The following SUSD1 variants were observed in gnomAD, a reference collection of about 807,000 sequenced individuals.
SUSD1 encodes the protein sushi domain containing 1, also known as sushi domain-containing protein 1.
A neutral mutation model predicts 86.9 loss-of-function variants in SUSD1; 65 were observed. The ratio of observed to expected loss-of-function variants is 0.75; its 90% CI spans 0.61 to 0.92. The LOEUF is 0.92. Ranked by LOEUF, SUSD1 falls within the 40% of genes least tolerant of loss-of-function variation. SUSD1 has a pLI of 0.00. For missense variants in SUSD1, 850 were observed against 929.7 expected, an observed-to-expected ratio of 0.91 and a Z score of 1.11; for synonymous variants, 346 against 350.0, an observed-to-expected ratio of 0.99 and a Z score of 0.13.
chr9:112,070,226 G>C (rs571288546), intron 12 of SUSD1, among the ~76,000 whole-genome samples: 1 of 151,996 alleles, frequency 6.6e-6, no homozygotes, highest in Non-Finnish European at 1.5e-5. Flanking sequence ...GGCTGGTCCC[G>C]AACTCCTGAC....
intron 5 of SUSD1, among the ~76,000 whole-genome samples, chr9:112,135,797 T>C (rs770368062): frequency 3.9e-5 from 6 of 152,234 alleles, no homozygotes; most frequent in Non-Finnish European, 8.8e-5. Context: ...CCACACCTTT[T>C]CTGCACTAGG....
At chr9:112,135,331 T>C (rs1401048752) in intron 5 of SUSD1, among the ~76,000 whole-genome samples, 5 of 152,172 alleles carry the variant, frequency 3.3e-5, no homozygotes, top group Admixed American at 2.0e-4. Context: ...GAAAGCTCAC[T>C]TGGAGGAAAA....
chr9:112,165,933 A>AGAAGAAC (rs1268225547), intron 1 of SUSD1, among the ~76,000 whole-genome samples: 2 of 130,368 alleles, frequency 1.5e-5, no homozygotes, highest in African/African-American at 6.2e-5. Flanking sequence ...AAAGAAAGAA[A>AGAAGAAC]GAAAGAAAGA....
At chr9:112,128,237 C>A (rs1831863673) in intron 5 of SUSD1, among the ~76,000 whole-genome samples, 1 of 151,764 alleles carries the variant, frequency 6.6e-6, no homozygotes, top group South Asian at 2.1e-4. Flanking sequence ...GGACTACAGG[C>A]ATGCACCACC....
intron 12 of SUSD1, among the ~76,000 whole-genome samples, chr9:112,072,633 G>A (rs993603575): frequency 2.0e-5 from 3 of 152,206 alleles, no homozygotes; most frequent in Non-Finnish European, 4.4e-5. Flanking sequence ...GGTAGCAAGA[G>A]GGTCTGGGAG....
chr9:112,154,788 T>C (rs534685348), intron 2 of SUSD1, among the ~76,000 whole-genome samples: 61 of 152,324 alleles, frequency 4.0e-4, no homozygotes, highest in African/African-American at 1.3e-3. Flanking sequence ...CTAGGCTTAA[T>C]ACCATGTTAT....
At chr9:112,136,630 T>C (rs1317214917) in intron 5 of SUSD1, among the ~76,000 whole-genome samples, 1 of 152,196 alleles carries the variant, frequency 6.6e-6, no homozygotes, top group Non-Finnish European at 1.5e-5. Flanking sequence ...CCCTCACCCA[T>C]GGTGGCATCA....
chr9:112,133,923 T>A (rs763446823), intron 5 of SUSD1, among the ~76,000 whole-genome samples: 55 of 152,110 alleles, frequency 3.6e-4, no homozygotes, highest in Middle Eastern at 3.2e-3. Flanking sequence ...AACAGACATG[T>A]CTCAAAAGAA....
chr9:112,088,566 C>A (rs1165037448), intron 10 of SUSD1, among the ~76,000 whole-genome samples: 1 of 152,116 alleles, frequency 6.6e-6, no homozygotes, highest in Non-Finnish European at 1.5e-5. Flanking sequence ...GTAGGAGGAT[C>A]ACTTAAGGCC....
At chr9:112,156,394 G>A (rs367557763) in intron 2 of SUSD1, among the ~76,000 whole-genome samples, 3 of 151,466 alleles carry the variant, frequency 2.0e-5, no homozygotes, top group Non-Finnish European at 2.9e-5. Context: ...CCTCGGAGGC[G>A]GAGGCTGCAG....
At chr9:112,084,930 C>G (rs139995952) in intron 10 of SUSD1, among the ~76,000 whole-genome samples, 1 of 152,118 alleles carries the variant, frequency 6.6e-6, no homozygotes, top group East Asian at 1.9e-4. Flanking sequence ...TATGGGCAAG[C>G]GACTCTTGGC....
chr9:112,122,319 C>T (rs1382393662), intron 6 of SUSD1, among the ~76,000 whole-genome samples: 1 of 152,146 alleles, frequency 6.6e-6, no homozygotes, highest in Non-Finnish European at 1.5e-5. Context: ...CACCGCCACA[C>T]CTGGCAAATT....
At chr9:112,093,134 G>A (rs969806188) in intron 10 of SUSD1, among the ~76,000 whole-genome samples, 21 of 152,152 alleles carry the variant, frequency 1.4e-4, no homozygotes, top group African/African-American at 4.8e-4. Context: ...TGTATTAAAG[G>A]TTGCTATTTA....
rs977103409 is a variant in SUSD1 at position 112,175,255 on chromosome 9, G to T, written c.-20C>A. ...GCCCATGCCGCCGCCGGTCCCTCCC[G>T]GCGCGCCCGCGCCTCCTCCCGGGGC... On this transcript the variant is annotated 5_prime_UTR_variant, in exon 1 of 17. Transcript: ENST00000374270. The surrounding 1 kb of genome is among the most constrained non-coding windows in gnomAD (Gnocchi z 4.7). 8.8e-7 allele frequency: 1 copy of T among 1,134,060 alleles called. No individual in the cohort carries two copies. Among genetic ancestry groups the T allele is most frequent in the East Asian group, 4.4e-5 (1 of 22,728 alleles). 70.2% of individuals were successfully genotyped at this position (1,134,060 alleles called of 1,614,324 possible).
intron 15 of SUSD1, among the ~76,000 whole-genome samples, chr9:112,045,190 C>T (rs966356336): frequency 2.6e-5 from 4 of 152,056 alleles, no homozygotes; most frequent in African/African-American, 7.2e-5. Flanking sequence ...TGGAGATGAA[C>T]GGGGGAGCTG....
At position 112,052,406 on chromosome 9, in the gene SUSD1, C is replaced by G. The variant is rs770918386; in HGVS notation, c.2142G>C (p.Gln714His). Residue 714 changes from glutamine (Q) to histidine (H), a missense_variant, in exon 15 of 17, where the codon CAG becomes CAC. By Grantham distance (24) the Gln-to-His change is conservative. Transcript: ENST00000374270. ...VRRHSCAVWA[Q>H]VKDSSLMLLQ... is the part of the protein sequence containing the mutation. ...GGCAGAAAATAATTTTACCTTTCAC[C>G]TGAGCCCAAACTGCACAGGAGTGTC... The G allele has an allele frequency of 1.9e-6, 3 of 1,614,030 alleles. No individual in the cohort carries two copies. The highest frequency in any genetic ancestry group is 2.5e-6 in the Non-Finnish European group (3 of 1,179,988).
chr9:112,057,568 C>A (rs559136018), intron 14 of SUSD1, among the ~76,000 whole-genome samples: 1 of 152,198 alleles, frequency 6.6e-6, no homozygotes, highest in African/African-American at 2.4e-5. Context: ...TGTCACAAAG[C>A]GCTGCTAGAC....
At chr9:112,065,515 ACT>A (rs1217748420) in intron 12 of SUSD1, among the ~76,000 whole-genome samples, 8 of 152,158 alleles carry the variant, frequency 5.3e-5, no homozygotes, top group South Asian at 2.1e-4. Flanking sequence ...AAAAAGTGAG[ACT>A]CTGTCTCAAA....
In SUSD1 at chr9:112,175,209, G is replaced by T; in HGVS notation, c.27C>A (p.Gly9=). The stretch of plus-strand genomic sequence containing the variant: ...ACAGCGGCAGCAGGCGGCGAGACGG[G>T]CCCGCATCCCAGGGCCCCCGGCCCA... MGRGPWDA[G]PSRRLLPLLL... The change falls in exon 1 of 17, where the codon GGC becomes GGA. Residue 9 remains glycine, a synonymous_variant. Coordinates refer to ENST00000374270, the MANE Select transcript of SUSD1 (RefSeq NM_022486.5). The surrounding 1 kb of genome is among the most constrained non-coding windows in gnomAD (Gnocchi z 4.7). 2 of 1,161,978 alleles carry T rather than the reference G, an allele frequency of 1.7e-6. No homozygotes were observed. The highest frequency in any genetic ancestry group is 2.1e-6 in the Non-Finnish European group (2 of 945,512). The allele number at this position is 1,161,978 out of a possible 1,614,324, so 72.0% of individuals were successfully genotyped here.
Sources: gnomAD v4.1 joint callset for allele counts (sites outside exome capture counted in the v4.1 genomes callset) on GRCh38, gnomAD v4.1.1 for gene constraint, Gnocchi (gnomAD v3.1) non-coding constraint, MANE v1.5 for transcripts, NCBI Gene and HGNC (gene_info 2026-07-23, HGNC 2026-07-21) for gene names.